GSTM3: variants seen among roughly 807,000 people sequenced by gnomAD.
GSTM3 encodes glutathione S-transferase mu 3, also known as GST class-mu 3.
In GSTM3, 34 loss-of-function variants were observed where a neutral mutation model predicts 36.1. The observed-to-expected ratio is 0.94, with a 90% confidence interval of 0.72 to 1.25. The LOEUF (loss-of-function observed/expected upper bound fraction) is 1.25, where lower values mean the gene tolerates loss of function less well. GSTM3 is among the 50% of genes most tolerant of loss of function. GSTM3 has a pLI of 0.00. For missense variants in GSTM3, 266 were observed against 281.6 expected, an observed-to-expected ratio of 0.94 and a Z score of 0.40; for synonymous variants, 102 against 99.5, an observed-to-expected ratio of 1.03 and a Z score of -0.15.
rs935531173 is a variant in GSTM3 at position 109,734,191 on chromosome 1, G to C, written c.*2880C>G. 2.6e-5 allele frequency: 4 copies of C among 152,188 alleles called. No homozygotes were observed. The South Asian group carries it at 8.3e-4, about 32-fold the overall frequency. 9.4% of individuals were successfully genotyped at this position (152,188 alleles called of 1,614,324 possible). On this transcript the variant is annotated 3_prime_UTR_variant, in exon 9 of 9. Transcript: ENST00000361066. ...CCATGAGTGCCTAAGCAAAACCCAT[G>C]GGGGTGCTAAAACCACAATGCTAAT...
intron 1 of GSTM3, 77 bp from the exon 2 acceptor site, chr1:109,740,588 G>A: frequency 2.3e-6 from 1 of 437,222 alleles, no homozygotes; most frequent in Non-Finnish European, 4.1e-6. Context: ...TTCATTAATG[G>A]TGCCAGTGAA....
At position 109,736,183 on chromosome 1, in the gene GSTM3, T is replaced by C. The variant is rs758890533; in HGVS notation, c.*888A>G. The C allele has an allele frequency of 8.5e-5, 13 of 152,234 alleles. No homozygotes were observed. The highest frequency in any genetic ancestry group is 1.5e-4 in the Non-Finnish European group (10 of 68,046). The allele number at this position is 152,234 out of a possible 1,614,324, so 9.4% of individuals were successfully genotyped here. ...CATCTTTTAGACATTTTTGGCTATATTTCTATTTTATAAATTGTTCATGGA... is the reference window on the plus strand; with the variant it reads ...CATCTTTTAGACATTTTTGGCTATACTTCTATTTTATAAATTGTTCATGGA... On this transcript the variant is annotated 3_prime_UTR_variant, in exon 9 of 9. Coordinates refer to ENST00000361066, the MANE Select transcript of GSTM3 (RefSeq NM_000849.5).
chr1:109,740,173 C>T, intron 2 of GSTM3, 67 bp downstream of exon 2: 1 of 1,424,686 alleles, frequency 7.0e-7, no homozygotes, highest in Non-Finnish European at 9.8e-7. Flanking sequence ...GATCGCGGAC[C>T]CAGAGACCCG....
rs1649199824 is a variant in GSTM3, at chr1:109,736,371, T to C, written c.*700A>G. On this transcript the variant is annotated 3_prime_UTR_variant, in exon 9 of 9. Transcript: ENST00000361066. The stretch of plus-strand genomic sequence containing the variant: ...TTGGCAAATCTTTCCTTTGTGATTG[T>C]TATTATTTTAAAAAGTAAAAGAATA... The C allele has an allele frequency of 6.6e-6, 1 of 152,184 alleles. No homozygotes were observed. The highest frequency in any genetic ancestry group is 1.5e-5 in the Non-Finnish European group (1 of 68,030). The allele number at this position is 152,184 out of a possible 1,614,324, so 9.4% of individuals were successfully genotyped here.
chr1:109,740,493 C>G lies in GSTM3; in HGVS notation c.-206G>C. 1.7e-6 allele frequency: 1 copy of G among 589,778 alleles called. No individual in the cohort carries two copies. Among genetic ancestry groups the G allele is most frequent in the Non-Finnish European group, 3.0e-6 (1 of 333,984 alleles). The allele number at this position is 589,778 out of a possible 1,614,324, so 36.5% of individuals were successfully genotyped here. On this transcript the variant is annotated 5_prime_UTR_variant, in exon 2 of 9. Transcript: ENST00000361066. ...GGTTCAGGGCCTGGCGACCCCGAGGCGGGACCCGGGCAGGAGTGCTGCAGG... is the reference window on the plus strand; with the variant it reads ...GGTTCAGGGCCTGGCGACCCCGAGGGGGGACCCGGGCAGGAGTGCTGCAGG...
chr1:109,739,499 A>C lies in GSTM3; in HGVS notation c.125-6T>G, dbSNP rs774651518. The C allele has an allele frequency of 1.9e-6, 3 of 1,610,156 alleles. No individual in the cohort carries two copies. The East Asian group carries it at 6.7e-5, about 36-fold the overall frequency. On this transcript the variant is annotated splice_polypyrimidine_tract_variant and splice_region_variant and intron_variant, in intron 3 of 8. Transcript: ENST00000361066. ...GCTTCGATCATAGTCAGGAGCTGTA[A>C]GAGACGGAATTAAGTGGGACCCAAC... is the stretch of plus-strand genomic sequence containing the variant.
In GSTM3 at chr1:109,738,325, G is replaced by A; in HGVS notation, c.231C>T (p.Ser77=). 2 of 1,614,136 alleles carry A rather than the reference G, an allele frequency of 1.2e-6. No individual in the cohort carries two copies. Among genetic ancestry groups the A allele is most frequent in the Non-Finnish European group, 1.7e-6 (2 of 1,179,950 alleles). Residue 77 remains serine (S), a synonymous_variant, in exon 5 of 9, where the codon AGC becomes AGT. Coordinates refer to ENST00000361066, the MANE Select transcript of GSTM3 (RefSeq NM_000849.5). The part of the protein sequence containing the change: ...LLDGKNKITQ[S]NAILRYIARK... ...GAGCGATGTAGCGCAAGATGGCATT[G>A]CTCTGGGTGATCTTGTTCTTCCCAT...
rs1649178238 is a variant in GSTM3 at position 109,735,642 on chromosome 1, T to TAG, written c.*1428_*1429insCT. 7.3e-6 allele frequency: 1 copy of TAG among 136,238 alleles called. No homozygotes were observed. The highest frequency in any genetic ancestry group is 1.6e-5 in the Non-Finnish European group (1 of 63,026). 8.4% of individuals were successfully genotyped at this position (136,238 alleles called of 1,614,324 possible). ...ATATGTCTCTTTGAATGTTTTTTTT[T>TAG]TTTTTTTTTTTTTTTTTTTGAGACA... On this transcript the variant is annotated 3_prime_UTR_variant, in exon 9 of 9. Coordinates refer to ENST00000361066, the MANE Select transcript of GSTM3 (RefSeq NM_000849.5).
intron 4 of GSTM3, among the ~76,000 whole-genome samples, chr1:109,739,102 CAG>C (rs1478666806): frequency 3.3e-5 from 5 of 152,180 alleles, no homozygotes; most frequent in Admixed American, 3.3e-4. Flanking sequence ...GCCTGAGCGA[CAG>C]AGTGAGACAC....
rs747271780 is a variant in GSTM3 at position 109,735,633 on chromosome 1, G to GAGTTTTTTTTTTTTTTTTTTT, written c.*1437_*1438insAAAAAAAAAAAAAAAAAAACT. On this transcript the variant is annotated 3_prime_UTR_variant, in exon 9 of 9. Coordinates refer to ENST00000361066, the MANE Select transcript of GSTM3 (RefSeq NM_000849.5). Reference sequence around the variant, plus strand: ...CATCTTAGTATATGTCTCTTTGAATGTTTTTTTTTTTTTTTTTTTTTTTTT... The same window carrying GAGTTTTTTTTTTTTTTTTTTT: ...CATCTTAGTATATGTCTCTTTGAATGAGTTTTTTTTTTTTTTTTTTTTTTTTTTTTTTTTTTTTTTTTTTTT... 1.8e-4 allele frequency: 11 copies of GAGTTTTTTTTTTTTTTTTTTT among 60,720 alleles called. 4 individuals carry two copies. Among genetic ancestry groups the GAGTTTTTTTTTTTTTTTTTTT allele is most frequent in the Non-Finnish European group, 1.8e-4 (5 of 28,564 alleles). The allele number at this position is 60,720 out of a possible 1,614,324, so 3.8% of individuals were successfully genotyped here.
At position 109,738,182 on chromosome 1, in the gene GSTM3, G is replaced by A; in HGVS notation, c.281C>T (p.Thr94Ile). The A allele has an allele frequency of 6.2e-7, 1 of 1,612,546 alleles. No homozygotes were observed. The highest frequency in any genetic ancestry group is 1.1e-5 in the South Asian group (1 of 91,054). The stretch of plus-strand genomic sequence containing the variant: ...GTCCACTCGAATCTTTTCTTCTTCA[G>A]TCTCACCACCTGTAGGCCAAATGAC... The part of the protein sequence containing the change: ...IARKHNMCGE[T>I]EEEKIRVDII... Residue 94 changes from threonine to isoleucine, a missense_variant, in exon 6 of 9, where the codon ACT (threonine) becomes ATT (isoleucine). Physicochemically the swap from Thr to Ile is moderately conservative, Grantham distance 89 (BLOSUM62 -1). Coordinates refer to ENST00000361066, the MANE Select transcript of GSTM3 (RefSeq NM_000849.5).
chr1:109,735,463 C>T lies in GSTM3; in HGVS notation c.*1608G>A, dbSNP rs1281192655. 1 of 152,182 alleles carries T rather than the reference C, an allele frequency of 6.6e-6. No homozygotes were observed. Among genetic ancestry groups the T allele is most frequent in the East Asian group, 1.9e-4 (1 of 5,202 alleles). 9.4% of individuals were successfully genotyped at this position (152,182 alleles called of 1,614,324 possible). Reference sequence around the variant, plus strand: ...GTGTTGTTATTACAGCTGTGAGCAACCACACCTGGCCTGTTTTGGGGATCT... The same window carrying T: ...GTGTTGTTATTACAGCTGTGAGCAATCACACCTGGCCTGTTTTGGGGATCT... On this transcript the variant is annotated 3_prime_UTR_variant, in exon 9 of 9. Coordinates refer to ENST00000361066, the MANE Select transcript of GSTM3 (RefSeq NM_000849.5).
At chr1:109,740,543 C>T in intron 1 of GSTM3, 32 bp from the exon 2 acceptor site, 1 of 531,678 alleles carries the variant, frequency 1.9e-6, no homozygotes. Flanking sequence ...GAGGTTGAGG[C>T]TCCTCCCTTC....
intron 6 of GSTM3, 71 bp from the exon 7 acceptor site, chr1:109,737,822 G>T: frequency 1.1e-6 from 1 of 929,120 alleles, no homozygotes; most frequent in Non-Finnish European, 1.7e-6. Context: ...GGCCAGTGAT[G>T]GACACTTAGT....
intron 8 of GSTM3, 120 bp downstream of exon 8, chr1:109,737,337 G>C: frequency 1.2e-6 from 1 of 828,114 alleles, no homozygotes; most frequent in South Asian, 1.4e-5. Flanking sequence ...AAGGTCTAGA[G>C]GTGTCCAACC....
rs756257189 is a variant in GSTM3 at position 109,739,426 on chromosome 1, T to G, written c.189+3A>C. 6.2e-7 allele frequency: 1 copy of G among 1,608,068 alleles called. No homozygotes were observed. The highest frequency in any genetic ancestry group is 1.7e-4 in the Middle Eastern group (1 of 6,034). On this transcript the variant is annotated splice_donor_region_variant and intron_variant, in intron 4 of 8. Transcript: ENST00000361066. ...GCCCGCCACCTCTACTAAAGCCACT[T>G]ACATTAGGAAAGTCCAGGTCTAGCT...
chr1:109,739,440 C>A lies in GSTM3; in HGVS notation c.178G>T (p.Asp60Tyr). Residue 60 changes from aspartate (D) to tyrosine (Y), a missense_variant, in exon 4 of 9, where the codon GAC becomes TAC. Transcript: ENST00000361066. ...WLDVKFKLDL[D>Y]FPNLPYLLDG... ...CTAAAGCCACTTACATTAGGAAAGT[C>A]CAGGTCTAGCTTGAATTTCACATCC... 2 of 1,612,080 alleles carry A rather than the reference C, an allele frequency of 1.2e-6. No individual in the cohort carries two copies. Among genetic ancestry groups the A allele is most frequent in the South Asian group, 2.2e-5 (2 of 90,942 alleles).
Position 109,737,008 on chromosome 1 carries a change from C to G in GSTM3, c.*63G>C, listed in dbSNP as rs1649216651. ...GTGCTATTCATTGAAAAGAGCAAAG[C>G]AAGAGCGCTGACCCCTTACGGACAG... On this transcript the variant is annotated 3_prime_UTR_variant, in exon 9 of 9. Coordinates refer to ENST00000361066, the MANE Select transcript of GSTM3 (RefSeq NM_000849.5). 1.0e-6 allele frequency: 1 copy of G among 992,390 alleles called. No individual in the cohort carries two copies. 61.5% of individuals were successfully genotyped at this position (992,390 alleles called of 1,614,324 possible).
intron 2 of GSTM3, 111 bp downstream of exon 2, chr1:109,740,129 G>T: frequency 9.1e-7 from 1 of 1,093,528 alleles, no homozygotes; most frequent in Non-Finnish European, 1.4e-6. Context: ...TCGGCAGCTC[G>T]AAAAGGCTCC....
Sources: allele counts gnomAD v4.1 joint callset (sites outside exome capture counted in the v4.1 genomes callset), GRCh38; gene constraint gnomAD v4.1.1; transcripts MANE v1.5; gene names NCBI Gene and HGNC (gene_info 2026-07-23, HGNC 2026-07-21).